CNDP1: variants seen among roughly 807,000 people sequenced by gnomAD.
CNDP1 encodes beta-Ala-His dipeptidase.
Under a neutral mutation model 58.1 loss-of-function variants are expected in CNDP1, and 44 were observed. That is an observed-to-expected ratio of 0.76 (90% CI 0.60 to 0.97). CNDP1 has a LOEUF of 0.97. Ranked by LOEUF, CNDP1 falls within the 50% of genes least tolerant of loss-of-function variation. The pLI is 0.00. For synonymous variants in CNDP1, 254 were observed against 252.6 expected, an observed-to-expected ratio of 1.01 and a Z score of -0.05; for missense variants, 616 against 655.1, an observed-to-expected ratio of 0.94 and a Z score of 0.65.
chr18:74,572,316 G>C (rs963028695), intron 7 of CNDP1, among the ~76,000 whole-genome samples: 1 of 152,070 alleles, frequency 6.6e-6, no homozygotes, highest in African/African-American at 2.4e-5. Context: ...AGCTAAGGAA[G>C]TTTAAACTCC....
chr18:74,580,627 A>G (rs1206539315), intron 10 of CNDP1, among the ~76,000 whole-genome samples: 1 of 152,204 alleles, frequency 6.6e-6, no homozygotes, highest in Non-Finnish European at 1.5e-5. Context: ...CTCCCCCTGA[A>G]TACAAACTCA....
intron 1 of CNDP1, among the ~76,000 whole-genome samples, chr18:74,546,893 T>C (rs1345972061): frequency 6.6e-6 from 1 of 152,224 alleles, no homozygotes; most frequent in Admixed American, 6.5e-5. Flanking sequence ...CCTCAGGCAT[T>C]GTTCTTCTCC....
chr18:74,575,341 A>C (rs561298192), intron 7 of CNDP1, among the ~76,000 whole-genome samples: 1 of 152,332 alleles, frequency 6.6e-6, no homozygotes, highest in South Asian at 2.1e-4. Context: ...CGCACTCTGC[A>C]ACTCTGTCCT....
intron 2 of CNDP1, among the ~76,000 whole-genome samples, chr18:74,557,258 G>T (rs1007342261): frequency 6.6e-6 from 1 of 151,988 alleles, no homozygotes. Context: ...GTCTTGCTCT[G>T]TCACCCAGGC....
chr18:74,537,020 G>A (rs753720610), intron 1 of CNDP1, among the ~76,000 whole-genome samples: 2 of 152,098 alleles, frequency 1.3e-5, no homozygotes, highest in South Asian at 2.1e-4. Context: ...GAAGTTCCTC[G>A]ATACTGGATA....
intron 11 of CNDP1, 52 bp downstream of exon 11, chr18:74,583,760 A>C (rs1418456105): frequency 6.4e-7 from 1 of 1,568,358 alleles, no homozygotes. Context: ...TACTGCACAC[A>C]CCCGGGTCTA....
At chr18:74,556,535 C>G (rs896490723) in intron 2 of CNDP1, 69 bp downstream of exon 2, 4 of 1,576,630 alleles carry the variant, frequency 2.5e-6, no homozygotes, top group African/African-American at 1.4e-5. Flanking sequence ...TTGGGTGAGA[C>G]AATTATTTGC....
intron 5 of CNDP1, among the ~76,000 whole-genome samples, chr18:74,562,664 CTTTAG>C (rs760882041): frequency 1.3e-5 from 2 of 152,208 alleles, no homozygotes; most frequent in African/African-American, 4.8e-5. Context: ...CAGTGGCTCT[CTTTAG>C]AAGTCCAAAT....
Position 74,537,586 on chromosome 18 carries a change from T to C in CNDP1, c.24+2895T>C, listed in dbSNP as rs572137714. On this transcript the variant is annotated intron_variant, in intron 1 of 11. Coordinates refer to ENST00000358821, the MANE Select transcript of CNDP1 (RefSeq NM_032649.6). ...AACAGCTAGGGTGGATCCCTGGCTG[T>C]GGCCCAGGGGGACTGGATGAGGTTT... Among the ~76,000 whole-genome samples the C allele has an allele frequency of 4.6e-5, 7 of 152,292 alleles. No individual in the cohort carries two copies. The South Asian group carries it at 1.5e-3, about 32-fold the overall frequency.
chr18:74,539,569 AC>A, intron 1 of CNDP1, among the ~76,000 whole-genome samples: 1 of 152,042 alleles, frequency 6.6e-6, no homozygotes, highest in East Asian at 1.9e-4. Flanking sequence ...CTCCGACCAA[AC>A]TCCTTGTTAG....
chr18:74,536,750 A>G (rs1356191804), intron 1 of CNDP1, among the ~76,000 whole-genome samples: 1 of 152,084 alleles, frequency 6.6e-6, no homozygotes, highest in Non-Finnish European at 1.5e-5. Context: ...ACTAATTTAC[A>G]CTCCTACCAA....
chr18:74,555,199 A>G (rs1368509033), intron 1 of CNDP1, among the ~76,000 whole-genome samples: 1 of 152,212 alleles, frequency 6.6e-6, no homozygotes. Context: ...AGAGACAAAA[A>G]TAACAGAGAC....
intron 7 of CNDP1, among the ~76,000 whole-genome samples, chr18:74,572,624 CA>C (rs1417999554): frequency 1.3e-5 from 2 of 151,418 alleles, no homozygotes; most frequent in African/African-American, 4.9e-5. Flanking sequence ...CCTGTCTGTA[CA>C]AAAAATACAA....
intron 1 of CNDP1, among the ~76,000 whole-genome samples, chr18:74,553,834 G>A (rs922202356): frequency 1.3e-5 from 2 of 152,140 alleles, no homozygotes; most frequent in Non-Finnish European, 2.9e-5. Context: ...TCAGTGTTCA[G>A]CACCAGTTTC....
chr18:74,564,319 A>G (rs1981274461), intron 5 of CNDP1, among the ~76,000 whole-genome samples: 1 of 152,216 alleles, frequency 6.6e-6, no homozygotes, highest in Non-Finnish European at 1.5e-5. Flanking sequence ...GTTATAAATT[A>G]TAAAGATATA....
rs994159105 is a variant in CNDP1, at chr18:74,585,810, C to T, written c.*1248C>T. On this transcript the variant is annotated 3_prime_UTR_variant, in exon 12 of 12. Transcript: ENST00000358821. ...GGGAGTTCGAGATCAGCCTGGCTAA[C>T]ATGGTGAAACCCTGTCTCTACTGAA... is the stretch of plus-strand genomic sequence containing the variant. 6.6e-6 allele frequency: 1 copy of T among 151,496 alleles called. No homozygotes were observed. Among genetic ancestry groups the T allele is most frequent in the Non-Finnish European group, 1.5e-5 (1 of 67,698 alleles). The allele number at this position is 151,496 out of a possible 1,614,324, so 9.4% of individuals were successfully genotyped here. A position where few individuals can be genotyped will look rare whatever the true frequency, so the allele number is the denominator to read the frequency against.
intron 6 of CNDP1, among the ~76,000 whole-genome samples, chr18:74,569,923 T>C (rs1435501223): frequency 6.6e-6 from 1 of 151,558 alleles, no homozygotes; most frequent in African/African-American, 2.4e-5. Context: ...CAGTGGCTCA[T>C]GCCTGTAATC....
chr18:74,549,814 G>A (rs531566400), intron 1 of CNDP1, among the ~76,000 whole-genome samples: 2 of 152,326 alleles, frequency 1.3e-5, no homozygotes, highest in African/African-American at 4.8e-5. Flanking sequence ...GGACAGCACT[G>A]CTCTGTACAG....
intron 6 of CNDP1, among the ~76,000 whole-genome samples, chr18:74,570,397 C>T (rs1308775429): frequency 6.6e-6 from 1 of 152,094 alleles, no homozygotes; most frequent in Non-Finnish European, 1.5e-5. Context: ...GTGGCAGATG[C>T]TGGGCGCTTA....
Sources: allele counts gnomAD v4.1 joint callset (sites outside exome capture counted in the v4.1 genomes callset), GRCh38; gene constraint gnomAD v4.1.1; transcripts MANE v1.5; gene names NCBI Gene and HGNC (gene_info 2026-07-23, HGNC 2026-07-21).